AP4S1: variants seen among roughly 807,000 people sequenced by gnomAD.
AP4S1 encodes AP-4 complex subunit sigma-1.
In AP4S1, 23 loss-of-function variants were observed where a neutral mutation model predicts 19.8. The observed-to-expected ratio is 1.16, with a 90% confidence interval of 0.84 to 1.65. AP4S1 has a LOEUF of 1.65. Ranked by LOEUF, AP4S1 falls within the 40% of genes most tolerant of loss-of-function variation. The pLI is 0.00. For missense variants in AP4S1, 166 were observed against 172.8 expected (o/e 0.96, Z 0.22); for synonymous variants, 46 against 54.1 (o/e 0.85, Z 0.66).
chr14:31,068,613 G>A (rs1450601486), intron 2 of AP4S1, among the ~76,000 whole-genome samples: 1 of 152,208 alleles, frequency 6.6e-6, no homozygotes, highest in African/African-American at 2.4e-5. Flanking sequence ...GCAGAATGCA[G>A]GCACTCAATT....
chr14:31,071,648 G>T (rs1887008722), intron 3 of AP4S1, among the ~76,000 whole-genome samples: 1 of 152,026 alleles, frequency 6.6e-6, no homozygotes, highest in African/African-American at 2.4e-5. Context: ...TCGATCTCCT[G>T]ACCTCATGAT....
chr14:31,035,193 C>CTTTTTTTTT lies in AP4S1; in HGVS notation c.-72+9418_-72+9426dup, dbSNP rs11393950. On this transcript the variant is annotated intron_variant, in intron 1 of 5. Coordinates refer to ENST00000542754, the MANE Select transcript of AP4S1 (RefSeq NM_001128126.3). The stretch of plus-strand genomic sequence containing the variant: ...ACACCTACAAAATTAATGGTAATTC[C>CTTTTTTTTT]TTTTTTTTTTTTTTTTTTTTGAGAT... 2.9e-5 allele frequency among the ~76,000 whole-genome samples: 3 copies of CTTTTTTTTT among 103,624 alleles called. 1 individual carries two copies. Among genetic ancestry groups the CTTTTTTTTT allele is most frequent in the Admixed American group, 1.2e-4 (1 of 8,034 alleles). The allele number at this position is 103,624 out of a possible 152,430, so 68.0% of individuals were successfully genotyped here. A position where few individuals can be genotyped will look rare whatever the true frequency, so the allele number is the denominator to read the frequency against.
At chr14:31,073,100 T>C (rs1014967160) in intron 4 of AP4S1, 127 bp downstream of exon 4, 2 of 803,940 alleles carry the variant, frequency 2.5e-6, no homozygotes, top group Non-Finnish European at 4.2e-6. Context: ...AAAACTTAAG[T>C]GATGCCAAAT....
At chr14:31,086,639 C>T (rs1467291200) in intron 5 of AP4S1, among the ~76,000 whole-genome samples, 1 of 152,146 alleles carries the variant, frequency 6.6e-6, no homozygotes, top group Admixed American at 6.5e-5. Flanking sequence ...TGGTTTCCAA[C>T]TTCCGACTTC....
intron 1 of AP4S1, among the ~76,000 whole-genome samples, chr14:31,058,459 C>A (rs1886244990): frequency 6.6e-6 from 1 of 151,936 alleles, no homozygotes; most frequent in Non-Finnish European, 1.5e-5. Flanking sequence ...TTCACACAAG[C>A]TTTTGCCTGT....
intron 4 of AP4S1, 171 bp downstream of exon 4, chr14:31,073,144 G>T (rs2139068583): frequency 4.8e-6 from 3 of 624,256 alleles, no homozygotes; most frequent in East Asian, 3.1e-5. Flanking sequence ...TATCCAAAGT[G>T]TTACAAGCCT....
chr14:31,038,867 C>T (rs1330744873), intron 1 of AP4S1, among the ~76,000 whole-genome samples: 1 of 152,076 alleles, frequency 6.6e-6, no homozygotes, highest in Non-Finnish European at 1.5e-5. Context: ...GTGGTATTAG[C>T]ACATTGTATT....
chr14:31,081,323 A>G (rs1594707312), intron 5 of AP4S1, among the ~76,000 whole-genome samples: 1 of 152,216 alleles, frequency 6.6e-6, no homozygotes, highest in Non-Finnish European at 1.5e-5. Flanking sequence ...CAGTGTTGAT[A>G]AACTGGAAGG....
At chr14:31,034,477 A>T (rs1372156645) in intron 1 of AP4S1, among the ~76,000 whole-genome samples, 4 of 152,000 alleles carry the variant, frequency 2.6e-5, no homozygotes, top group Non-Finnish European at 5.9e-5. Context: ...TTGGGGGGGA[A>T]ACAAACTCTC....
At chr14:31,078,104 A>C (rs1213889438) in intron 4 of AP4S1, among the ~76,000 whole-genome samples, 1 of 152,206 alleles carries the variant, frequency 6.6e-6, no homozygotes, top group Non-Finnish European at 1.5e-5. Flanking sequence ...GTGGAAATGC[A>C]TCTAGCCAGG....
At chr14:31,085,126 T>C in intron 5 of AP4S1, 1 of 1,303,344 alleles carries the variant, frequency 7.7e-7, no homozygotes, top group Non-Finnish European at 9.8e-7. Flanking sequence ...AGGCCCATTC[T>C]ATGTCTGCTT....
At chr14:31,026,715 C>G (rs1250481386) in intron 1 of AP4S1, 1 of 152,524 alleles carries the variant, frequency 6.6e-6, no homozygotes, top group Non-Finnish European at 1.5e-5. Context: ...TCCTGGTTAT[C>G]AGTTTCCTTT....
intron 1 of AP4S1, among the ~76,000 whole-genome samples, chr14:31,037,055 G>A (rs1002889521): frequency 1.3e-5 from 2 of 151,776 alleles, no homozygotes; most frequent in African/African-American, 4.8e-5. Context: ...CTTCTGATCT[G>A]CCTGCCTCGG....
chr14:31,080,422 G>A, intron 4 of AP4S1, 151 bp from the exon 5 acceptor site: 1 of 678,530 alleles, frequency 1.5e-6, no homozygotes, highest in Non-Finnish European at 2.6e-6. Context: ...TTAGGGCCTT[G>A]GCAGAGTCAG....
chr14:31,066,482 AAAG>A, intron 2 of AP4S1, 148 bp downstream of exon 2: 1 of 1,110,686 alleles, frequency 9.0e-7, no homozygotes, highest in South Asian at 1.3e-5. Flanking sequence ...TGAAAAACTG[AAAG>A]AAGCATAGCT....
rs181304964 is a variant in AP4S1 at position 31,069,443 on chromosome 14, A to C, written c.139-400A>C. 5.4e-3 allele frequency among the ~76,000 whole-genome samples: 815 copies of C among 152,332 alleles called. 6 individuals are homozygous for C. The highest frequency in any genetic ancestry group is 0.019 in the African/African-American group (776 of 41,570). Reference sequence around the variant, plus strand: ...ACTATTAAATAGTACAAAACTGAGAATATCTAATTGCTTCCAAAAAAATCT... The same window carrying C: ...ACTATTAAATAGTACAAAACTGAGACTATCTAATTGCTTCCAAAAAAATCT... On this transcript the variant is annotated intron_variant, in intron 2 of 5. Transcript: ENST00000542754.
At position 31,069,830 on chromosome 14, in the gene AP4S1, G is replaced by T. The variant is rs1267528530; in HGVS notation, c.139-13G>T. ...CAGCCACAGGAATTAATATCTCATT[G>T]TGTTTTGTCTAGTGCTCTTTCATTG... On this transcript the variant is annotated splice_polypyrimidine_tract_variant and intron_variant, in intron 2 of 5. Coordinates refer to ENST00000542754, the MANE Select transcript of AP4S1 (RefSeq NM_001128126.3). 1 of 1,589,218 alleles carries T rather than the reference G, an allele frequency of 6.3e-7. No individual in the cohort carries two copies. The highest frequency in any genetic ancestry group is 1.7e-5 in the Admixed American group (1 of 59,976).
intron 1 of AP4S1, chr14:31,026,505 T>A (rs1883962157): frequency 3.4e-6 from 1 of 296,316 alleles, no homozygotes; most frequent in South Asian, 9.4e-5. Flanking sequence ...GAACGCAGCC[T>A]CACGCTTAAT....
intron 1 of AP4S1, among the ~76,000 whole-genome samples, chr14:31,039,049 G>C (rs1204850779): frequency 3.3e-5 from 5 of 149,898 alleles, no homozygotes; most frequent in African/African-American, 1.2e-4. Flanking sequence ...TTGCTCTGTT[G>C]CCTTGATCTG....
Sources: gnomAD v4.1 joint callset for allele counts (sites outside exome capture counted in the v4.1 genomes callset) on GRCh38, gnomAD v4.1.1 for gene constraint, MANE v1.5 for transcripts, NCBI Gene and HGNC (gene_info 2026-07-23, HGNC 2026-07-21) for gene names.